Variants in CCNJL observed in about 807,000 individuals in gnomAD.
CCNJL encodes cyclin J like.
A neutral mutation model predicts 33.4 loss-of-function variants in CCNJL; 33 were observed. The ratio of observed to expected loss-of-function variants is 0.99; its 90% CI spans 0.75 to 1.32. CCNJL has a LOEUF of 1.32. Among genes scored for constraint, CCNJL ranks in the 40% most tolerant of loss-of-function variants. The probability of loss-of-function intolerance (pLI) is 0.00; values close to 1 mark genes in which losing one functional copy is unlikely to be tolerated. For synonymous variants in CCNJL, 227 were observed against 220.9 expected (o/e 1.03, Z -0.24); for missense variants, 512 against 499.7 (o/e 1.02, Z -0.23).
At chr5:160,258,268 G>A in intron 4 of CCNJL, 2 of 708,120 alleles carry the variant, frequency 2.8e-6, no homozygotes, top group Non-Finnish European at 5.1e-6. Flanking sequence ...TGGCAAGAAG[G>A]CTGTTGCAGC....
At chr5:160,276,653 C>T (rs1762023350) in intron 3 of CCNJL, among the ~76,000 whole-genome samples, 2 of 152,058 alleles carry the variant, frequency 1.3e-5, no homozygotes, top group African/African-American at 2.4e-5. Context: ...TTAATGGGTA[C>T]GAAGTTTCCT....
intron 4 of CCNJL, among the ~76,000 whole-genome samples, chr5:160,256,444 G>GT (rs1400062369): frequency 6.6e-6 from 1 of 152,212 alleles, no homozygotes; most frequent in Non-Finnish European, 1.5e-5. Flanking sequence ...ATGAGTGGTT[G>GT]TAAGACTTTG....
intron 2 of CCNJL, among the ~76,000 whole-genome samples, chr5:160,308,727 G>C (rs888182301): frequency 6.6e-6 from 1 of 152,268 alleles, no homozygotes; most frequent in African/African-American, 2.4e-5. Context: ...CTGCACTCTA[G>C]CCTGTGCGAC....
chr5:160,276,912 T>C (rs1478469123), intron 3 of CCNJL, among the ~76,000 whole-genome samples: 1 of 152,036 alleles, frequency 6.6e-6, no homozygotes, highest in Non-Finnish European at 1.5e-5. Context: ...GCCTCCCATG[T>C]AGCTGAGACT....
At chr5:160,312,054 GCC>G in intron 1 of CCNJL, 82 bp from the exon 2 acceptor site, 1 of 867,382 alleles carries the variant, frequency 1.2e-6, no homozygotes, top group Non-Finnish European at 1.8e-6. Context: ...CTCGCCCCTG[GCC>G]CCGGGCCCCG....
intron 2 of CCNJL, among the ~76,000 whole-genome samples, chr5:160,285,411 C>T (rs1481972190): frequency 6.9e-6 from 1 of 144,816 alleles, no homozygotes; most frequent in Non-Finnish European, 1.5e-5. Flanking sequence ...TGCCCAATAA[C>T]TAATTGCTGA....
chr5:160,276,241 A>G (rs1018219664), intron 3 of CCNJL: 1 of 146,154 alleles, frequency 6.8e-6, no homozygotes, highest in African/African-American at 2.6e-5. Context: ...CTAAGGATAC[A>G]AAATTAGCCA....
chr5:160,339,361 A>AAC (rs1488890689), intron 1 of CCNJL: 41 of 303,746 alleles, frequency 1.3e-4, no homozygotes, highest in East Asian at 1.3e-3. Flanking sequence ...ATGCAAAACA[A>AAC]AAAAAAAAAA....
chr5:160,285,689 C>T (rs777235489), intron 2 of CCNJL, among the ~76,000 whole-genome samples: 29 of 152,268 alleles, frequency 1.9e-4, no homozygotes, highest in Admixed American at 3.9e-4. Flanking sequence ...AGTGTCCCAT[C>T]TGGGGAACAG....
In CCNJL at chr5:160,311,925, G is replaced by A. The variant is rs759526455; in HGVS notation, c.-2C>T. 6.8e-6 allele frequency: 11 copies of A among 1,613,972 alleles called. No homozygotes were observed. In the South Asian group the frequency reaches 1.1e-4, roughly 16 times the overall value. On this transcript the variant is annotated 5_prime_UTR_variant, in exon 2 of 6. Transcript: ENST00000257536. ...TTCCCACCACGGCTCATCCATCATC[G>A]CGTACGCAGCGCCGCTATCCGAGGC...
Position 160,253,345 on chromosome 5 carries a change from C to T in CCNJL, c.*33G>A, listed in dbSNP as rs1196405834. 18 of 1,541,970 alleles carry T rather than the reference C, an allele frequency of 1.2e-5. No homozygotes were observed. Among genetic ancestry groups the T allele is most frequent in the Non-Finnish European group, 1.6e-5 (18 of 1,141,668 alleles). ...CAGTGTCCTCTTCCTCTGCCCACAT[C>T]TCCAAGGCTTCCTCGTGAGGTCTGG... On this transcript the variant is annotated 3_prime_UTR_variant, in exon 6 of 6. Coordinates refer to ENST00000257536, the MANE Select transcript of CCNJL (RefSeq NM_001308173.3).
chr5:160,289,217 G>T (rs182334910), intron 2 of CCNJL, among the ~76,000 whole-genome samples: 88 of 152,258 alleles, frequency 5.8e-4, no homozygotes, highest in Non-Finnish European at 1.0e-3. Flanking sequence ...GCATGTTTAG[G>T]AACTGTCCCC....
chr5:160,287,337 A>G (rs1405443184), intron 2 of CCNJL, among the ~76,000 whole-genome samples: 1 of 152,180 alleles, frequency 6.6e-6, no homozygotes, highest in Admixed American at 6.5e-5. Context: ...GAAATGTGCA[A>G]TGAGGCTTTC....
At chr5:160,328,627 C>T (rs910608266) in intron 1 of CCNJL, among the ~76,000 whole-genome samples, 1 of 151,328 alleles carries the variant, frequency 6.6e-6, no homozygotes, top group African/African-American at 2.4e-5. Context: ...TTGGCTTACT[C>T]CTGTAATCCC....
intron 1 of CCNJL, among the ~76,000 whole-genome samples, chr5:160,336,372 C>T (rs1763684300): frequency 6.6e-6 from 1 of 152,188 alleles, no homozygotes; most frequent in Admixed American, 6.5e-5. Context: ...AGAGGAGAAC[C>T]ACTCAGAAGA....
rs1382932999 is a variant in CCNJL at position 160,250,978 on chromosome 5, T to A, written c.*2400A>T. ...TCAGAGAGAGGTTGGGTCAACTGCC[T>A]TCCAACAGCTGGTAAGTGGTGTGAT... On this transcript the variant is annotated 3_prime_UTR_variant, in exon 6 of 6. Coordinates refer to ENST00000257536, the MANE Select transcript of CCNJL (RefSeq NM_001308173.3). The A allele has an allele frequency of 6.6e-6, 1 of 152,218 alleles. No homozygotes were observed. Among genetic ancestry groups the A allele is most frequent in the African/African-American group, 2.4e-5 (1 of 41,448 alleles). The allele number at this position is 152,218 out of a possible 1,614,324, so 9.4% of individuals were successfully genotyped here. A position where few individuals can be genotyped will look rare whatever the true frequency, so the allele number is the denominator to read the frequency against.
intron 1 of CCNJL, among the ~76,000 whole-genome samples, chr5:160,320,839 T>TTC (rs1294557560): frequency 1.3e-4 from 13 of 100,858 alleles, no homozygotes; most frequent in African/African-American, 3.6e-4. Flanking sequence ...CTTTCTTTCT[T>TTC]TCTTTCTTTC....
At chr5:160,284,617 G>A (rs1307190274) in intron 2 of CCNJL, among the ~76,000 whole-genome samples, 1 of 152,216 alleles carries the variant, frequency 6.6e-6, no homozygotes, top group Non-Finnish European at 1.5e-5. Context: ...TGAAAGTGAG[G>A]CTTGAGTTGA....
At chr5:160,321,769 T>G (rs1264355727) in intron 1 of CCNJL, among the ~76,000 whole-genome samples, 1 of 151,962 alleles carries the variant, frequency 6.6e-6, no homozygotes, top group Non-Finnish European at 1.5e-5. Context: ...CTGTCTCCAC[T>G]AAAAAAATAC....
Sources: gnomAD v4.1 joint callset for allele counts (sites outside exome capture counted in the v4.1 genomes callset) on GRCh38, gnomAD v4.1.1 for gene constraint, MANE v1.5 for transcripts, NCBI Gene and HGNC (gene_info 2026-07-23, HGNC 2026-07-21) for gene names.